RIPOR2: variants seen among roughly 807,000 people sequenced by gnomAD.
RIPOR2 encodes the protein rho family-interacting cell polarization regulator 2.
Under a neutral mutation model 114.5 loss-of-function variants are expected in RIPOR2, and 39 were observed. That is an observed-to-expected ratio of 0.34 (90% confidence interval 0.26 to 0.44). The LOEUF is 0.44. Ranked by LOEUF, RIPOR2 falls within the 20% of genes least tolerant of loss-of-function variation. The pLI is 1.00. For missense variants in RIPOR2, 1,007 were observed against 1,255.1 expected (o/e 0.80, Z 2.99); for synonymous variants, 445 against 484.4 (o/e 0.92, Z 1.07).
Position 24,879,101 on chromosome 6 carries a change from A to G in RIPOR2, c.62-3284T>C, listed in dbSNP as rs190320404. On this transcript the variant is annotated intron_variant, in intron 1 of 21. Transcript: ENST00000643898. ...ATGCCTGTAATCCCAGCACTTTGGG[A>G]GGCCGAGGCAGGTGGATCACCTGAG... is the stretch of plus-strand genomic sequence containing the variant. Among the ~76,000 whole-genome samples the G allele has an allele frequency of 1.4e-5, 2 of 139,276 alleles. 1 individual carries two copies. Among genetic ancestry groups the G allele is most frequent in the Admixed American group, 1.4e-4 (2 of 13,836 alleles). 91.4% of individuals were successfully genotyped at this position (139,276 alleles called of 152,430 possible).
At chr6:24,869,383 T>A (rs556932666) in intron 5 of RIPOR2, among the ~76,000 whole-genome samples, 2 of 149,890 alleles carry the variant, frequency 1.3e-5, no homozygotes, top group South Asian at 2.2e-4. Context: ...AATGGCACAA[T>A]CTGAGCTCAC....
rs372030623 is a variant in RIPOR2 at position 24,890,450 on chromosome 6, T to C, written c.62-14633A>G. 3.5e-4 allele frequency among the ~76,000 whole-genome samples: 54 copies of C among 152,258 alleles called. 3 individuals are homozygous for C. The South Asian group carries it at 0.01, about 29-fold the overall frequency. Reference sequence around the variant, plus strand: ...ACTCAGGAGTGGAAACTAAATAATGTGTACAAATGGACATAGAGTATGGAA... The same window carrying C: ...ACTCAGGAGTGGAAACTAAATAATGCGTACAAATGGACATAGAGTATGGAA... On this transcript the variant is annotated intron_variant, in intron 1 of 21. Coordinates refer to ENST00000643898, the MANE Select transcript of RIPOR2 (RefSeq NM_001286445.3).
intron 21 of RIPOR2, among the ~76,000 whole-genome samples, chr6:24,807,186 G>T (rs4282395): frequency 0.74 from 112,858 of 151,914 alleles, 44,086 homozygotes; most frequent in East Asian, 0.88. Flanking sequence ...CAGAAGTTCA[G>T]CTGGGTGTGG....
intron 1 of RIPOR2, chr6:24,898,362 G>A (rs1768090226): frequency 6.6e-6 from 1 of 152,154 alleles, no homozygotes; most frequent in African/African-American, 2.4e-5. Flanking sequence ...TCCTCTGTGA[G>A]GGGGTGTGGG....
intron 8 of RIPOR2, among the ~76,000 whole-genome samples, chr6:24,856,273 A>G (rs1218584929): frequency 6.6e-6 from 1 of 152,146 alleles, no homozygotes; most frequent in African/African-American, 2.4e-5. Context: ...AGAACACAAC[A>G]ACCCACTTAA....
At chr6:25,022,273 G>C (rs1776357026) in intron 1 of RIPOR2, among the ~76,000 whole-genome samples, 2 of 152,200 alleles carry the variant, frequency 1.3e-5, no homozygotes, top group South Asian at 4.2e-4. Context: ...TTCGCTTTCT[G>C]TCCTAATAGT....
At chr6:24,995,889 G>A (rs769904195) in intron 1 of RIPOR2, among the ~76,000 whole-genome samples, 36 of 147,426 alleles carry the variant, frequency 2.4e-4, no homozygotes, top group African/African-American at 6.8e-4. Context: ...TGCAAGCTCC[G>A]CCTCCCGGGT....
chr6:25,006,558 A>G (rs1775569539), intron 1 of RIPOR2, among the ~76,000 whole-genome samples: 1 of 152,190 alleles, frequency 6.6e-6, no homozygotes, highest in Non-Finnish European at 1.5e-5. Flanking sequence ...TTCAAGTGAA[A>G]GGTGTCCTGG....
chr6:24,901,148 A>G (rs945188704), intron 1 of RIPOR2, among the ~76,000 whole-genome samples: 7 of 152,228 alleles, frequency 4.6e-5, no homozygotes, highest in Non-Finnish European at 1.5e-5. Context: ...AGGCTTGGCC[A>G]GGCTTATACT....
intron 1 of RIPOR2, among the ~76,000 whole-genome samples, chr6:24,924,360 T>C (rs971019525): frequency 6.6e-6 from 1 of 152,174 alleles, no homozygotes; most frequent in Non-Finnish European, 1.5e-5. Context: ...TGTGGATGTG[T>C]GAACTCGAAG....
chr6:24,877,781 C>G (rs911953912), intron 1 of RIPOR2, among the ~76,000 whole-genome samples: 57 of 152,292 alleles, frequency 3.7e-4, no homozygotes, highest in African/African-American at 1.3e-3. Flanking sequence ...ATTCCTGAAG[C>G]ATGGCCCTAC....
At chr6:24,900,916 A>G (rs1768379744) in intron 1 of RIPOR2, among the ~76,000 whole-genome samples, 1 of 152,100 alleles carries the variant, frequency 6.6e-6, no homozygotes, top group Admixed American at 6.6e-5. Context: ...CTGGGCTCAA[A>G]TGATCTTCCC....
chr6:24,874,025 C>T (rs1765471755), intron 2 of RIPOR2, among the ~76,000 whole-genome samples: 1 of 152,012 alleles, frequency 6.6e-6, no homozygotes, highest in Non-Finnish European at 1.5e-5. Flanking sequence ...CCACACCCAG[C>T]TAAATAGTTT....
At chr6:24,820,658 G>A (rs4712854) in intron 19 of RIPOR2, among the ~76,000 whole-genome samples, 49,456 of 151,942 alleles carry the variant, frequency 0.33, 8,697 homozygotes, top group East Asian at 0.68. Flanking sequence ...ATTTGGCATA[G>A]TATCTTCAAG....
At chr6:24,895,794 T>C (rs6936710) in intron 1 of RIPOR2, among the ~76,000 whole-genome samples, 5,116 of 151,988 alleles carry the variant, frequency 0.034, 100 homozygotes, top group African/African-American at 0.051. Context: ...ATCAAGACCA[T>C]CCTGGCCAAC....
intron 1 of RIPOR2, among the ~76,000 whole-genome samples, chr6:24,891,274 G>A (rs1581723508): frequency 6.6e-6 from 1 of 152,250 alleles, no homozygotes; most frequent in African/African-American, 2.4e-5. Flanking sequence ...TTTCATTGCT[G>A]GTTCTAACTG....
At chr6:24,821,155 G>A (rs1217375893) in intron 19 of RIPOR2, among the ~76,000 whole-genome samples, 1 of 150,120 alleles carries the variant, frequency 6.7e-6, no homozygotes, top group Admixed American at 6.7e-5. Flanking sequence ...TTACAGGCGT[G>A]AGCCACCGCG....
chr6:24,921,685 G>T (rs1330631399), intron 1 of RIPOR2, among the ~76,000 whole-genome samples: 2 of 145,280 alleles, frequency 1.4e-5, no homozygotes, highest in Non-Finnish European at 3.0e-5. Context: ...TATTTTTATA[G>T]GCTTGTCTAT....
At chr6:25,024,509 T>C (rs1420342241) in intron 1 of RIPOR2, 1 of 715,740 alleles carries the variant, frequency 1.4e-6, no homozygotes, top group East Asian at 3.0e-5. Context: ...GAGGCGCGAG[T>C]TCCCAGCGTC....
Sources: gnomAD v4.1 joint callset for allele counts (sites outside exome capture counted in the v4.1 genomes callset) on GRCh38, gnomAD v4.1.1 for gene constraint, MANE v1.5 for transcripts, NCBI Gene and HGNC (gene_info 2026-07-23, HGNC 2026-07-21) for gene names.